Variants in GPC6 observed in about 807,000 individuals in gnomAD.
GPC6 encodes glypican-6.
A neutral mutation model predicts 55.2 loss-of-function variants in GPC6; 14 were observed. The ratio of observed to expected loss-of-function variants is 0.25; its 90% CI spans 0.17 to 0.40. The LOEUF (loss-of-function observed/expected upper bound fraction) is 0.40, where lower values mean the gene tolerates loss of function less well. GPC6 is among the 10% of genes least tolerant of loss of function. The probability of loss-of-function intolerance (pLI) is 1.00; values close to 1 mark genes in which losing one functional copy is unlikely to be tolerated. For missense variants in GPC6, 641 were observed against 708.5 expected (o/e 0.90, Z 1.08); for synonymous variants, 278 against 259.6 (o/e 1.07, Z -0.68).
At chr13:94,011,180 A>G (rs1480238168) in intron 3 of GPC6, among the ~76,000 whole-genome samples, 1 of 152,116 alleles carries the variant, frequency 6.6e-6, no homozygotes, top group African/African-American at 2.4e-5. Flanking sequence ...GCAAAGTTGG[A>G]GGAGATGTCA....
intron 4 of GPC6, among the ~76,000 whole-genome samples, chr13:94,266,461 T>TCCAG (rs1891821889): frequency 6.6e-6 from 1 of 152,078 alleles, no homozygotes; most frequent in Admixed American, 6.5e-5. Context: ...AGCCACCGCG[T>TCCAG]CCAGCCATCT....
At chr13:94,133,267 C>T (rs1176569641) in intron 4 of GPC6, among the ~76,000 whole-genome samples, 1 of 85,098 alleles carries the variant, frequency 1.2e-5, no homozygotes, top group Non-Finnish European at 2.1e-5. Flanking sequence ...TGACCAGTGA[C>T]AAAAAAAAAA....
chr13:93,566,543 G>C lies in GPC6; in HGVS notation c.319+21122G>C, dbSNP rs117278013. Among the ~76,000 whole-genome samples, 11 of 89,328 alleles carry C rather than the reference G, an allele frequency of 1.2e-4. No individual in the cohort carries two copies. The East Asian group carries it at 2.3e-3, about 19-fold the overall frequency. The allele number at this position is 89,328 out of a possible 152,430, so 58.6% of individuals were successfully genotyped here. ...AGTTGGAGAAAGTTTTTTTTTTTTT[G>C]CTTGTTTTTTTTTATGACTTTTTTT... On this transcript the variant is annotated intron_variant, in intron 2 of 8. Coordinates refer to ENST00000377047, the MANE Select transcript of GPC6 (RefSeq NM_005708.5).
chr13:94,003,157 C>G (rs530784096), intron 3 of GPC6, among the ~76,000 whole-genome samples: 1 of 152,090 alleles, frequency 6.6e-6, no homozygotes, highest in African/African-American at 2.4e-5. Context: ...AGGAGCGTGG[C>G]GTGTGCTTTC....
At chr13:93,904,610 T>C (rs1254452097) in intron 3 of GPC6, among the ~76,000 whole-genome samples, 3 of 152,102 alleles carry the variant, frequency 2.0e-5, no homozygotes, top group East Asian at 1.9e-4. Flanking sequence ...TGTTGATGCA[T>C]GCCTATTGTC....
chr13:94,041,930 A>G lies in GPC6; in HGVS notation c.877+14036A>G, dbSNP rs1594689123. On this transcript the variant is annotated intron_variant, in intron 4 of 8. Transcript: ENST00000377047. ...CACCTTATTCTAATGTTAACAACAT[A>G]CATACGTAACCATATGATATGGTTT... Among the ~76,000 whole-genome samples the G allele has an allele frequency of 2.0e-5, 3 of 152,040 alleles. No homozygotes were observed. In the South Asian group the frequency reaches 6.2e-4, roughly 32 times the overall value.
intron 1 of GPC6, among the ~76,000 whole-genome samples, chr13:93,438,072 C>T (rs951316577): frequency 6.6e-6 from 1 of 152,126 alleles, no homozygotes; most frequent in Non-Finnish European, 1.5e-5. Context: ...CACCTGTTTA[C>T]AGCATGGTTT....
chr13:93,977,155 T>TAAAA (rs1160592341), intron 3 of GPC6, among the ~76,000 whole-genome samples: 1 of 152,152 alleles, frequency 6.6e-6, no homozygotes, highest in African/African-American at 2.4e-5. Context: ...ATTCAGTTTT[T>TAAAA]AGCCTTTCCT....
chr13:93,584,834 A>C (rs762634519), intron 2 of GPC6, among the ~76,000 whole-genome samples: 3 of 151,868 alleles, frequency 2.0e-5, no homozygotes, highest in Non-Finnish European at 4.4e-5. Flanking sequence ...GCCTATAGGC[A>C]TGCACCACCA....
chr13:93,802,819 C>CTGTGTTTTTTAT (rs1886420964), intron 2 of GPC6, among the ~76,000 whole-genome samples: 4 of 152,022 alleles, frequency 2.6e-5, no homozygotes, highest in Non-Finnish European at 5.9e-5. Flanking sequence ...TAGAGAAACA[C>CTGTGTTTTTTAT]CTGAGAGAGA....
intron 2 of GPC6, among the ~76,000 whole-genome samples, chr13:93,559,519 T>C (rs1464849497): frequency 6.6e-6 from 1 of 152,172 alleles, no homozygotes; most frequent in Non-Finnish European, 1.5e-5. Flanking sequence ...TGACTTAGTA[T>C]ATGGATCACT....
At chr13:94,247,215 G>A (rs1891222975) in intron 4 of GPC6, among the ~76,000 whole-genome samples, 1 of 152,048 alleles carries the variant, frequency 6.6e-6, no homozygotes, top group Admixed American at 6.6e-5. Flanking sequence ...CAACTTGACT[G>A]AATTAATTTA....
chr13:93,953,320 T>C (rs907656007), intron 3 of GPC6, among the ~76,000 whole-genome samples: 6 of 152,152 alleles, frequency 3.9e-5, no homozygotes, highest in African/African-American at 1.4e-4. Context: ...CTTCATATTG[T>C]CATCTTTATC....
At chr13:93,807,045 A>C (rs1053507087) in intron 2 of GPC6, among the ~76,000 whole-genome samples, 2 of 152,210 alleles carry the variant, frequency 1.3e-5, no homozygotes, top group African/African-American at 4.8e-5. Flanking sequence ...TGCAGCTCAA[A>C]TGAAACCATA....
At chr13:93,326,758 A>T (rs1879671486) in intron 1 of GPC6, among the ~76,000 whole-genome samples, 1 of 152,186 alleles carries the variant, frequency 6.6e-6, no homozygotes, top group Non-Finnish European at 1.5e-5. Flanking sequence ...TTGCCTTTTC[A>T]ACTCTAATCC....
At chr13:93,564,333 G>A (rs9561395) in intron 2 of GPC6, among the ~76,000 whole-genome samples, 42,951 of 151,938 alleles carry the variant, frequency 0.28, 6,800 homozygotes, top group Admixed American at 0.44. Context: ...ACATGAAGGA[G>A]TCATATATAT....
chr13:93,807,507 G>A (rs1886576497), intron 2 of GPC6, among the ~76,000 whole-genome samples: 1 of 152,194 alleles, frequency 6.6e-6, no homozygotes, highest in Non-Finnish European at 1.5e-5. Flanking sequence ...TGGGAAGTGT[G>A]TGATGTGCCT....
At chr13:94,011,347 A>C (rs866463373) in intron 3 of GPC6, among the ~76,000 whole-genome samples, 27 of 152,202 alleles carry the variant, frequency 1.8e-4, no homozygotes, top group Admixed American at 1.0e-3. Context: ...TTATTCAAGC[A>C]ACCATGCATT....
At chr13:93,680,747 T>C (rs1881817963) in intron 2 of GPC6, among the ~76,000 whole-genome samples, 1 of 152,156 alleles carries the variant, frequency 6.6e-6, no homozygotes, top group Non-Finnish European at 1.5e-5. Context: ...TTCGATTCTA[T>C]GGCCACAAGA....
Sources: gnomAD v4.1 joint callset for allele counts (sites outside exome capture counted in the v4.1 genomes callset) on GRCh38, gnomAD v4.1.1 for gene constraint, MANE v1.5 for transcripts, NCBI Gene and HGNC (gene_info 2026-07-23, HGNC 2026-07-21) for gene names.